The following MACROD2 variants were observed in gnomAD, a reference collection of about 807,000 sequenced individuals.
The protein encoded by MACROD2 is mono-ADP ribosylhydrolase 2.
Under a neutral mutation model 70.4 loss-of-function variants are expected in MACROD2, and 36 were observed. The observed-to-expected ratio is 0.51, with a 90% CI of 0.39 to 0.68. The LOEUF is 0.68. Ranked by LOEUF, MACROD2 falls within the 30% of genes least tolerant of loss-of-function variation. The pLI is 0.00. For synonymous variants in MACROD2, 172 were observed against 178.8 expected (o/e 0.96, Z 0.30); for missense variants, 496 against 538.4 (o/e 0.92, Z 0.78).
chr20:15,423,985 A>G (rs1230022311), intron 6 of MACROD2, among the ~76,000 whole-genome samples: 1 of 152,150 alleles, frequency 6.6e-6, no homozygotes, highest in Non-Finnish European at 1.5e-5. Context: ...CAGACAGCCA[A>G]CTTATCCTTG....
Position 14,591,789 on chromosome 20 carries a change from TCAAA to T in MACROD2, c.302-93048_302-93045del, listed in dbSNP as rs142526622. Among the ~76,000 whole-genome samples the T allele has an allele frequency of 4.1e-4, 63 of 152,328 alleles. 1 individual carries two copies. The East Asian group carries it at 0.012, about 28-fold the overall frequency. On this transcript the variant is annotated intron_variant, in intron 4 of 17. Transcript: ENST00000684519. ...TTACAACACACTTTCGCTGTAATAG[TCAAA>T]CAAACCTTTATTGAAAGCCAACCAT... is the stretch of plus-strand genomic sequence containing the variant.
chr20:14,911,025 T>C (rs1196605073), intron 5 of MACROD2, among the ~76,000 whole-genome samples: 1 of 152,212 alleles, frequency 6.6e-6, no homozygotes, highest in East Asian at 1.9e-4. Context: ...CAACTCTATC[T>C]CATTTATTTA....
At chr20:15,816,611 C>T (rs749239105) in intron 8 of MACROD2, among the ~76,000 whole-genome samples, 13 of 152,284 alleles carry the variant, frequency 8.5e-5, no homozygotes, top group South Asian at 2.1e-4. Flanking sequence ...ATAACTCCCA[C>T]GGCTTCTTCC....
chr20:15,605,763 G>T (rs2048884914), intron 8 of MACROD2, among the ~76,000 whole-genome samples: 1 of 152,112 alleles, frequency 6.6e-6, no homozygotes, highest in African/African-American at 2.4e-5. Context: ...CATATTTTAT[G>T]ACATAGCCAT....
intron 10 of MACROD2, among the ~76,000 whole-genome samples, chr20:15,914,247 G>C (rs531953053): frequency 2.6e-4 from 40 of 152,328 alleles, no homozygotes; most frequent in African/African-American, 9.1e-4. Flanking sequence ...TTGGAAAACA[G>C]CTCTATCTAT....
At chr20:14,592,889 G>A (rs1017484704) in intron 4 of MACROD2, among the ~76,000 whole-genome samples, 1 of 152,154 alleles carries the variant, frequency 6.6e-6, no homozygotes, top group African/African-American at 2.4e-5. Context: ...GTATGGCCTT[G>A]TGTGATCCTA....
intron 2 of MACROD2, among the ~76,000 whole-genome samples, chr20:14,025,999 A>C (rs1281906588): frequency 6.6e-6 from 1 of 152,152 alleles, no homozygotes; most frequent in Non-Finnish European, 1.5e-5. Context: ...ATAGGTCTCT[A>C]AGAACTTGCT....
chr20:15,704,376 A>G (rs1228138231), intron 8 of MACROD2, among the ~76,000 whole-genome samples: 2 of 152,286 alleles, frequency 1.3e-5, no homozygotes, highest in East Asian at 1.9e-4. Flanking sequence ...AGTTCTTCCT[A>G]TTCGAGGAAA....
intron 3 of MACROD2, among the ~76,000 whole-genome samples, chr20:14,443,346 G>A (rs1371935588): frequency 6.7e-6 from 1 of 149,850 alleles, no homozygotes; most frequent in Non-Finnish European, 1.5e-5. Flanking sequence ...ACCCAGGCTG[G>A]AGTGCAGTGG....
chr20:15,691,782 C>G (rs2050302177), intron 8 of MACROD2, among the ~76,000 whole-genome samples: 1 of 152,170 alleles, frequency 6.6e-6, no homozygotes, highest in South Asian at 2.1e-4. Flanking sequence ...GTTCTTTCCT[C>G]CCACTGGCTA....
intron 6 of MACROD2, among the ~76,000 whole-genome samples, chr20:15,419,734 G>T (rs2146338294): frequency 6.6e-6 from 1 of 152,294 alleles, no homozygotes; most frequent in South Asian, 2.1e-4. Flanking sequence ...TCACCTAAGG[G>T]CGTCCCCCTG....
chr20:15,850,150 A>G (rs2064280298), intron 8 of MACROD2, among the ~76,000 whole-genome samples: 1 of 152,168 alleles, frequency 6.6e-6, no homozygotes, highest in African/African-American at 2.4e-5. Context: ...ATTAGAGTGC[A>G]GGTAGATTAT....
intron 5 of MACROD2, among the ~76,000 whole-genome samples, chr20:14,689,014 A>G (rs901938373): frequency 6.6e-5 from 10 of 152,170 alleles, no homozygotes; most frequent in African/African-American, 2.4e-4. Flanking sequence ...ATTGTCTACA[A>G]TGCTCTACAT....
At chr20:14,551,489 T>G (rs1457719473) in intron 4 of MACROD2, among the ~76,000 whole-genome samples, 1 of 152,204 alleles carries the variant, frequency 6.6e-6, no homozygotes, top group Non-Finnish European at 1.5e-5. Flanking sequence ...TAGTAAGTTA[T>G]GTTGAGGAAA....
chr20:14,485,805 A>T (rs2084722216), intron 3 of MACROD2, among the ~76,000 whole-genome samples: 1 of 151,366 alleles, frequency 6.6e-6, no homozygotes, highest in Non-Finnish European at 1.5e-5. Flanking sequence ...TAACATGTTC[A>T]AATGAGTATG....
chr20:15,388,677 C>T (rs761853180), intron 6 of MACROD2, among the ~76,000 whole-genome samples: 10 of 152,128 alleles, frequency 6.6e-5, no homozygotes, highest in Non-Finnish European at 1.2e-4. Flanking sequence ...GTGAATGAAT[C>T]ACTAAGTCAG....
chr20:14,363,372 A>G (rs774278783), intron 3 of MACROD2, among the ~76,000 whole-genome samples: 5 of 152,170 alleles, frequency 3.3e-5, no homozygotes, highest in Admixed American at 6.5e-5. Flanking sequence ...GAGGTGATAT[A>G]TGAACAAAGG....
At chr20:15,163,207 G>A (rs976349320) in intron 5 of MACROD2, among the ~76,000 whole-genome samples, 1 of 151,692 alleles carries the variant, frequency 6.6e-6, no homozygotes, top group Non-Finnish European at 1.5e-5. Context: ...AAAATGAAAA[G>A]ACATATAGTT....
intron 3 of MACROD2, among the ~76,000 whole-genome samples, chr20:14,096,241 G>A (rs1313664915): frequency 9.2e-5 from 14 of 152,070 alleles, no homozygotes; most frequent in African/African-American, 3.1e-4. Context: ...AGTATGTATC[G>A]AGTACTCTTT....
Sources: gnomAD v4.1 joint callset for allele counts (sites outside exome capture counted in the v4.1 genomes callset) on GRCh38, gnomAD v4.1.1 for gene constraint, MANE v1.5 for transcripts, NCBI Gene and HGNC (gene_info 2026-07-23, HGNC 2026-07-21) for gene names.